The following EYS variants were observed in gnomAD, a reference collection of about 807,000 sequenced individuals.
EYS encodes protein eyes shut homolog.
A neutral mutation model predicts 282.1 loss-of-function variants in EYS; 250 were observed. The observed-to-expected ratio is 0.89, with a 90% CI of 0.80 to 0.98. The LOEUF (loss-of-function observed/expected upper bound fraction) is 0.98, where lower values mean the gene tolerates loss of function less well. Ranked by LOEUF, EYS falls within the 50% of genes least tolerant of loss-of-function variation. The pLI is 0.00. For missense variants in EYS, 4,016 were observed against 3,709.0 expected (o/e 1.08, Z -2.15); for synonymous variants, 1,355 against 1,282.9 (o/e 1.06, Z -1.20).
At chr6:64,409,528 TAGCAAAATGCGA>T (rs759827592) in intron 28 of EYS, among the ~76,000 whole-genome samples, 1 of 152,210 alleles carries the variant, frequency 6.6e-6, no homozygotes, top group Non-Finnish European at 1.5e-5. Flanking sequence ...AAGTTTAATC[TAGCAAAATGCGA>T]AGCAATTCTT....
chr6:65,325,055 C>G (rs558639620), intron 11 of EYS, among the ~76,000 whole-genome samples: 1 of 152,332 alleles, frequency 6.6e-6, no homozygotes, highest in Non-Finnish European at 1.5e-5. Context: ...ACCATTGGCA[C>G]AGGTACACCC....
At chr6:64,858,688 C>A (rs117014357) in intron 19 of EYS, among the ~76,000 whole-genome samples, 6,208 of 151,802 alleles carry the variant, frequency 0.041, 164 homozygotes, top group East Asian at 0.1. Flanking sequence ...TGTACACAAA[C>A]AATAAATGCA....
chr6:64,977,647 T>C (rs888109895), intron 14 of EYS, among the ~76,000 whole-genome samples: 1 of 122,624 alleles, frequency 8.2e-6, no homozygotes, highest in African/African-American at 3.2e-5. Flanking sequence ...TTGCACCAAA[T>C]AGTAAGCCAA....
intron 22 of EYS, among the ~76,000 whole-genome samples, chr6:64,679,666 AT>A (rs1424470523): frequency 6.6e-6 from 1 of 152,138 alleles, no homozygotes; most frequent in Non-Finnish European, 1.5e-5. Flanking sequence ...GTGGGAGGGC[AT>A]TTACAGCTTT....
chr6:64,753,148 C>A (rs1304006063), intron 22 of EYS, among the ~76,000 whole-genome samples: 1 of 152,084 alleles, frequency 6.6e-6, no homozygotes, highest in African/African-American at 2.4e-5. Context: ...GAAAAACACA[C>A]AGAAGTATAA....
At chr6:65,218,371 A>G (rs1766371963) in intron 12 of EYS, among the ~76,000 whole-genome samples, 1 of 152,146 alleles carries the variant, frequency 6.6e-6, no homozygotes, top group African/African-American at 2.4e-5. Flanking sequence ...TTTGATGCTA[A>G]CATTTTTTCT....
chr6:65,280,241 A>G (rs1301630248), intron 12 of EYS, among the ~76,000 whole-genome samples: 1 of 152,158 alleles, frequency 6.6e-6, no homozygotes, highest in Non-Finnish European at 1.5e-5. Flanking sequence ...AGTCAACAGA[A>G]CATCCCTTCA....
intron 21 of EYS, among the ~76,000 whole-genome samples, chr6:64,817,924 A>G (rs1452937572): frequency 1.3e-5 from 2 of 152,058 alleles, no homozygotes; most frequent in Non-Finnish European, 2.9e-5. Context: ...TTATTTAGAG[A>G]ACTTACATGA....
chr6:65,382,461 G>GTGTGTGTGTGTC (rs199524495), intron 8 of EYS, among the ~76,000 whole-genome samples: 21,402 of 124,828 alleles, frequency 0.17, 1,839 homozygotes, highest in Admixed American at 0.23. Context: ...TTTCCTCTGT[G>GTGTGTGTGTGTC]TGTGTGTGTG....
chr6:64,632,745 TA>T (rs1197298404), intron 22 of EYS, among the ~76,000 whole-genome samples: 1 of 152,114 alleles, frequency 6.6e-6, no homozygotes, highest in African/African-American at 2.4e-5. Flanking sequence ...GGTTGATAAG[TA>T]GGGGATATTC....
intron 12 of EYS, among the ~76,000 whole-genome samples, chr6:65,199,868 A>T (rs1765857325): frequency 6.6e-6 from 1 of 152,128 alleles, no homozygotes; most frequent in Admixed American, 6.6e-5. Flanking sequence ...ACTGGAGATG[A>T]GGTTGAAACA....
At chr6:64,060,689 C>T (rs2149851027) in intron 33 of EYS, among the ~76,000 whole-genome samples, 1 of 152,176 alleles carries the variant, frequency 6.6e-6, no homozygotes, top group African/African-American at 2.4e-5. Context: ...GAGGTTTTAT[C>T]CCATAGACAT....
At chr6:65,507,654 G>C (rs2127283762) in intron 2 of EYS, among the ~76,000 whole-genome samples, 1 of 151,890 alleles carries the variant, frequency 6.6e-6, no homozygotes, top group East Asian at 1.9e-4. Flanking sequence ...GTTTTAGTTT[G>C]GGAAATTTCT....
intron 31 of EYS, among the ~76,000 whole-genome samples, chr6:64,176,379 C>T (rs1455610052): frequency 6.6e-6 from 1 of 151,998 alleles, no homozygotes; most frequent in Non-Finnish European, 1.5e-5. Flanking sequence ...AAAGGCAATT[C>T]GAGTATTCCA....
chr6:65,346,588 A>T (rs1016852198), intron 9 of EYS, among the ~76,000 whole-genome samples: 3 of 151,724 alleles, frequency 2.0e-5, no homozygotes, highest in African/African-American at 7.2e-5. Flanking sequence ...AAAAGAAATT[A>T]TGAGAAAACG....
At chr6:64,348,070 C>T (rs964554404) in intron 29 of EYS, among the ~76,000 whole-genome samples, 2 of 151,248 alleles carry the variant, frequency 1.3e-5, no homozygotes, top group African/African-American at 4.8e-5. Flanking sequence ...ACATCTATAA[C>T]CACTAGAGTA....
At chr6:64,789,462 T>C (rs948524709) in intron 22 of EYS, among the ~76,000 whole-genome samples, 2 of 152,160 alleles carry the variant, frequency 1.3e-5, no homozygotes, top group South Asian at 2.1e-4. Flanking sequence ...TACAAGTCTA[T>C]AAACATGCAA....
In EYS at chr6:64,870,530, T is replaced by C. The variant is rs561003129; in HGVS notation, c.2992+16167A>G. 2.7e-5 allele frequency among the ~76,000 whole-genome samples: 4 copies of C among 145,636 alleles called. No homozygotes were observed. In the East Asian group the frequency reaches 8.1e-4, roughly 30 times the overall value. On this transcript the variant is annotated intron_variant, in intron 19 of 42. Transcript: ENST00000503581. ...ACTTTTCAACAAACATCACAAGGCA[T>C]AGTGAAAGAAGGAAACAGGAAAAGA...
intron 26 of EYS, among the ~76,000 whole-genome samples, chr6:64,546,421 G>T (rs1023816540): frequency 3.4e-4 from 51 of 152,124 alleles, no homozygotes; most frequent in African/African-American, 1.2e-3. Context: ...AAAAACCCTA[G>T]AAGAAAACCT....
Sources: gnomAD v4.1 joint callset for allele counts (sites outside exome capture counted in the v4.1 genomes callset) on GRCh38, gnomAD v4.1.1 for gene constraint, MANE v1.5 for transcripts, NCBI Gene and HGNC (gene_info 2026-07-23, HGNC 2026-07-21) for gene names.